CUL2: variants seen among roughly 807,000 people sequenced by gnomAD.
The protein encoded by CUL2 is cullin-2.
Under a neutral mutation model 110.2 loss-of-function variants are expected in CUL2, and 22 were observed. The ratio of observed to expected loss-of-function variants is 0.20; its 90% CI spans 0.14 to 0.28. The LOEUF is 0.28. Ranked by LOEUF, CUL2 falls within the 10% of genes least tolerant of loss-of-function variation. The pLI, the probability that CUL2 is intolerant of heterozygous loss-of-function variation, is 1.00. For missense variants in CUL2, 631 were observed against 905.5 expected (o/e 0.70, Z 3.89); for synonymous variants, 279 against 293.2 (o/e 0.95, Z 0.49).
chr10:35,104,141 C>T (rs2087423857), intron 1 of CUL2, among the ~76,000 whole-genome samples: 1 of 152,140 alleles, frequency 6.6e-6, no homozygotes, highest in African/African-American at 2.4e-5. Flanking sequence ...CACATACATG[C>T]AGGGTCCATA....
At chr10:35,033,755 AC>A (rs577398942) in intron 10 of CUL2, among the ~76,000 whole-genome samples, 22,910 of 50,210 alleles carry the variant, frequency 0.46, 1,756 homozygotes, top group East Asian at 0.49. Context: ...AACAACAACA[AC>A]AAAAAAAAAA....
intron 2 of CUL2, among the ~76,000 whole-genome samples, chr10:35,097,769 G>A (rs1189517418): frequency 6.6e-6 from 1 of 151,814 alleles, no homozygotes; most frequent in Non-Finnish European, 1.5e-5. Context: ...GACTACCCTG[G>A]GCAATACAGC....
chr10:35,099,864 A>G (rs1267847649), intron 2 of CUL2, among the ~76,000 whole-genome samples: 1 of 152,194 alleles, frequency 6.6e-6, no homozygotes, highest in East Asian at 1.9e-4. Flanking sequence ...GCCAAAAGAA[A>G]AAAAGAAAAA....
intron 5 of CUL2, among the ~76,000 whole-genome samples, chr10:35,052,277 G>A (rs1471627246): frequency 1.3e-5 from 2 of 152,158 alleles, no homozygotes; most frequent in Non-Finnish European, 2.9e-5. Context: ...ATGAATGGGG[G>A]TTGGGGAGGC....
At chr10:35,024,487 T>C (rs2085288364) in intron 17 of CUL2, among the ~76,000 whole-genome samples, 1 of 152,214 alleles carries the variant, frequency 6.6e-6, no homozygotes, top group South Asian at 2.1e-4. Context: ...AATGAACTTG[T>C]CAAAGCATAG....
chr10:35,019,962 T>C (rs2085141804), intron 17 of CUL2, among the ~76,000 whole-genome samples: 1 of 151,572 alleles, frequency 6.6e-6, no homozygotes, highest in South Asian at 2.1e-4. Context: ...TGGAGATATC[T>C]GGTGGTTACC....
chr10:35,062,950 C>G lies in CUL2; in HGVS notation c.222+10G>C. On this transcript the variant is annotated intron_variant, in intron 3 of 20. Transcript: ENST00000374749. ...CAACATATTTATATCACGTATGTAT[C>G]ATTGCTTACCTTATGCAAATGCCGA... 1.4e-6 allele frequency: 2 copies of G among 1,434,594 alleles called. No individual in the cohort carries two copies. Among genetic ancestry groups the G allele is most frequent in the Non-Finnish European group, 2.0e-6 (2 of 1,020,132 alleles). 88.9% of individuals were successfully genotyped at this position (1,434,594 alleles called of 1,614,324 possible).
At chr10:35,046,272 A>G (rs931175702) in intron 6 of CUL2, among the ~76,000 whole-genome samples, 2 of 152,198 alleles carry the variant, frequency 1.3e-5, no homozygotes, top group African/African-American at 2.4e-5. Context: ...ATAAGCCCAC[A>G]TTCAATCTGG....
chr10:35,017,861 G>A (rs563172860), intron 17 of CUL2, among the ~76,000 whole-genome samples: 2 of 143,686 alleles, frequency 1.4e-5, no homozygotes, highest in South Asian at 4.5e-4. Flanking sequence ...ACTCTGTAAT[G>A]TTCCATACGT....
chr10:35,056,041 C>T (rs1926554), intron 4 of CUL2, among the ~76,000 whole-genome samples: 46,617 of 152,052 alleles, frequency 0.31, 7,443 homozygotes, highest in South Asian at 0.35. Context: ...AACTATTTAA[C>T]GCACAACTGT....
At chr10:35,100,217 C>G (rs2135105725) in intron 2 of CUL2, among the ~76,000 whole-genome samples, 1 of 152,104 alleles carries the variant, frequency 6.6e-6, no homozygotes, top group South Asian at 2.1e-4. Context: ...ACATCTTTTG[C>G]TATTAGAAAT....
At chr10:35,111,410 CCTAA>C (rs1313830420) in intron 1 of CUL2, among the ~76,000 whole-genome samples, 19 of 151,964 alleles carry the variant, frequency 1.3e-4, no homozygotes, top group Non-Finnish European at 8.8e-5. Flanking sequence ...CACCACCACG[CCTAA>C]CTAAGATTTT....
intron 4 of CUL2, among the ~76,000 whole-genome samples, chr10:35,060,480 A>G (rs1462476291): frequency 6.6e-6 from 1 of 152,314 alleles, no homozygotes; most frequent in Non-Finnish European, 1.5e-5. Context: ...CGTTTGCATC[A>G]AACATAAAAT....
At chr10:35,021,806 A>AGAGGCGAGGTGGGGTGAGGT (rs1564699149) in intron 17 of CUL2, among the ~76,000 whole-genome samples, 4 of 100,282 alleles carry the variant, frequency 4.0e-5, no homozygotes, top group Non-Finnish European at 8.2e-5. Flanking sequence ...TGGGGTGAGG[A>AGAGGCGAGGTGGGGTGAGGT]GAGGCGAGGT....
intron 1 of CUL2, among the ~76,000 whole-genome samples, chr10:35,087,608 T>G (rs1454652779): frequency 6.6e-6 from 1 of 152,168 alleles, no homozygotes; most frequent in Non-Finnish European, 1.5e-5. Context: ...CAACCTCTTC[T>G]TCATCTCAGT....
intron 6 of CUL2, among the ~76,000 whole-genome samples, chr10:35,048,604 T>A (rs1201246598): frequency 6.6e-6 from 1 of 152,160 alleles, no homozygotes; most frequent in Non-Finnish European, 1.5e-5. Context: ...TTGTTGGGAG[T>A]GTTCTTTTAG....
Position 35,029,584 on chromosome 10 carries a change from A to G in CUL2, c.1443T>C (p.Ser481=), listed in dbSNP as rs2085431382. The change falls in exon 15 of 21, where the codon AGT becomes AGC. Residue 481 remains serine, a synonymous_variant. Transcript: ENST00000374749. ...ACTTATTGTTGAGATCAGCGCTGACACTCATATCTGTATACATCCGATGTA... is the reference window on the plus strand; with the variant it reads ...ACTTATTGTTGAGATCAGCGCTGACGCTCATATCTGTATACATCCGATGTA... ...SKLHRMYTDM[S]VSADLNNKFN... 2 of 1,598,794 alleles carry G rather than the reference A, an allele frequency of 1.3e-6. No individual in the cohort carries two copies. The highest frequency in any genetic ancestry group is 2.3e-5 in the East Asian group (1 of 44,208).
upstream of CUL2, among the ~76,000 whole-genome samples, chr10:35,094,318 C>T (rs531904701): frequency 4.1e-4 from 63 of 152,026 alleles, no homozygotes; most frequent in Admixed American, 2.0e-3. Flanking sequence ...TCACTGCAAC[C>T]TCCGCCTCCC....
chr10:35,062,623 G>A (rs2086411146), intron 3 of CUL2, among the ~76,000 whole-genome samples: 1 of 151,514 alleles, frequency 6.6e-6, no homozygotes, highest in Admixed American at 6.6e-5. Context: ...CTGGAGCCCA[G>A]GAGTTTGAGA....
Sources: allele counts gnomAD v4.1 joint callset (sites outside exome capture counted in the v4.1 genomes callset), GRCh38; gene constraint gnomAD v4.1.1; transcripts MANE v1.5; gene names NCBI Gene and HGNC (gene_info 2026-07-23, HGNC 2026-07-21).